The following TTC3 variants were observed in gnomAD, a reference collection of about 807,000 sequenced individuals.
TTC3 encodes E3 ubiquitin-protein ligase TTC3.
Under a neutral mutation model 249.6 loss-of-function variants are expected in TTC3, and 180 were observed. The observed-to-expected ratio is 0.72, with a 90% CI of 0.64 to 0.82. TTC3 has a LOEUF of 0.82. TTC3 is among the 40% of genes least tolerant of loss of function. TTC3 has a pLI of 0.00. For missense variants in TTC3, 2,061 were observed against 2,398.4 expected, an observed-to-expected ratio of 0.86 and a Z score of 2.94; for synonymous variants, 717 against 805.0, an observed-to-expected ratio of 0.89 and a Z score of 1.85.
chr21:37,198,349 C>T (rs902471144), intron 44 of TTC3, among the ~76,000 whole-genome samples: 2 of 152,226 alleles, frequency 1.3e-5, no homozygotes, highest in African/African-American at 4.8e-5. Flanking sequence ...GAACTTTGTA[C>T]ATCCAGTGTG....
intron 1 of TTC3, among the ~76,000 whole-genome samples, chr21:37,079,541 T>G (rs112402088): frequency 0.43 from 58,497 of 136,920 alleles, 13,751 homozygotes; most frequent in Non-Finnish European, 0.49. Flanking sequence ...TTTTTTTTTT[T>G]TTTTTTTTTT....
intron 33 of TTC3, 38 bp from the exon 34 acceptor site, chr21:37,167,517 T>C: frequency 6.9e-7 from 1 of 1,447,028 alleles, no homozygotes; most frequent in South Asian, 1.2e-5. Flanking sequence ...CTAGAGCGAT[T>C]GAGATAAAGT....
At position 37,188,609 on chromosome 21, in the gene TTC3, G is replaced by A. The variant is rs368248736; in HGVS notation, c.5024+14G>A. Reference sequence around the variant, plus strand: ...GCTGATTAGCCGGTATTGCAGTTTCGTGGGTGTTCTCAGCACGTCATTTAG... The same window carrying A: ...GCTGATTAGCCGGTATTGCAGTTTCATGGGTGTTCTCAGCACGTCATTTAG... On this transcript the variant is annotated intron_variant, in intron 39 of 45. Transcript: ENST00000355666. 6.8e-6 allele frequency: 11 copies of A among 1,608,096 alleles called. No homozygotes were observed. The highest frequency in any genetic ancestry group is 4.0e-5 in the African/African-American group (3 of 74,762).
At chr21:37,088,567 C>A (rs1463093132) in intron 4 of TTC3, among the ~76,000 whole-genome samples, 1 of 152,066 alleles carries the variant, frequency 6.6e-6, no homozygotes, top group Admixed American at 6.5e-5. Context: ...AGACTGGAAG[C>A]TGAGTCAGGA....
chr21:37,092,816 A>G (rs1435396499), intron 7 of TTC3, among the ~76,000 whole-genome samples: 1 of 152,066 alleles, frequency 6.6e-6, no homozygotes, highest in African/African-American at 2.4e-5. Context: ...TTTTTTTGCC[A>G]CTTTAAAATA....
intron 27 of TTC3, among the ~76,000 whole-genome samples, chr21:37,154,619 G>A (rs996888179): frequency 6.6e-6 from 1 of 152,196 alleles, no homozygotes; most frequent in Non-Finnish European, 1.5e-5. Context: ...TCAGGTAAAT[G>A]CAGCACTTGA....
intron 28 of TTC3, among the ~76,000 whole-genome samples, chr21:37,158,422 G>C (rs962484336): frequency 6.6e-6 from 1 of 152,190 alleles, no homozygotes; most frequent in African/African-American, 2.4e-5. Context: ...AATCCCAATG[G>C]ATTCTCAAGT....
At chr21:37,104,588 CAAAAAA>C (rs141618903) in intron 10 of TTC3, among the ~76,000 whole-genome samples, 3 of 104,334 alleles carry the variant, frequency 2.9e-5, no homozygotes, top group Non-Finnish European at 5.7e-5. Flanking sequence ...AACTCCGTCT[CAAAAAA>C]AAAAAAAAAA....
At chr21:37,096,477 T>C (rs535765648) in intron 9 of TTC3, 104 bp from the exon 10 acceptor site, 7 of 795,062 alleles carry the variant, frequency 8.8e-6, no homozygotes, top group East Asian at 2.6e-5. Context: ...GCCACACATA[T>C]GTAAAGTTTA....
At chr21:37,146,817 C>T (rs1391721563) in intron 21 of TTC3, among the ~76,000 whole-genome samples, 1 of 152,190 alleles carries the variant, frequency 6.6e-6, no homozygotes, top group Non-Finnish European at 1.5e-5. Flanking sequence ...CCGAACCGTA[C>T]ACTTCATTTG....
intron 16 of TTC3, among the ~76,000 whole-genome samples, chr21:37,129,718 A>T (rs1003924699): frequency 6.6e-6 from 1 of 152,052 alleles, no homozygotes; most frequent in African/African-American, 2.4e-5. Flanking sequence ...GCAGGCTTGA[A>T]CTCCTAGACT....
intron 19 of TTC3, among the ~76,000 whole-genome samples, chr21:37,139,562 G>T (rs1281887144): frequency 6.6e-6 from 1 of 152,012 alleles, no homozygotes; most frequent in African/African-American, 2.4e-5. Flanking sequence ...AGTCTTTTAC[G>T]TTCTGTTCTC....
At chr21:37,157,304 A>T in intron 28 of TTC3, 2 of 741,370 alleles carry the variant, frequency 2.7e-6, no homozygotes, top group South Asian at 1.6e-5. Context: ...GCATTCTAGG[A>T]TGTTTTAATG....
intron 36 of TTC3, 30 bp downstream of exon 36, chr21:37,182,943 T>G (rs778551686): frequency 4.0e-6 from 6 of 1,488,050 alleles, no homozygotes; most frequent in Non-Finnish European, 4.5e-6. Flanking sequence ...CAGTAATTTT[T>G]ATTTAAAAAA....
intron 41 of TTC3, chr21:37,193,769 A>G (rs1490337749): frequency 6.6e-6 from 1 of 152,198 alleles, no homozygotes; most frequent in Non-Finnish European, 1.5e-5. Context: ...CAAAGTGCAC[A>G]TGGACTTGGG....
chr21:37,088,559 A>G (rs969492601), intron 4 of TTC3, among the ~76,000 whole-genome samples: 6 of 152,222 alleles, frequency 3.9e-5, no homozygotes, highest in Non-Finnish European at 8.8e-5. Context: ...TAGATGGTAG[A>G]CTGGAAGCTG....
rs961194898 is a variant in TTC3, at chr21:37,195,558, C to T, written c.5218-117C>T. 5 of 1,379,090 alleles carry T rather than the reference C, an allele frequency of 3.6e-6. No individual in the cohort carries two copies. In the Admixed American group the frequency reaches 1.2e-4, roughly 33 times the overall value. The allele number at this position is 1,379,090 out of a possible 1,614,324, so 85.4% of individuals were successfully genotyped here. ...TATTTAATTCATGGTATTCAGGTTT[C>T]CTGTGCACGGAGCCTCTGCGCTGCG... On this transcript the variant is annotated intron_variant, in intron 41 of 45. Coordinates refer to ENST00000355666, the Ensembl canonical transcript of TTC3.
chr21:37,151,158 G>C (rs1219328800), intron 25 of TTC3, among the ~76,000 whole-genome samples: 2 of 152,024 alleles, frequency 1.3e-5, no homozygotes, highest in African/African-American at 4.8e-5. Flanking sequence ...TTACATGTTT[G>C]ATTAATAGAT....
chr21:37,144,379 A>C, intron 20 of TTC3, 146 bp from the exon 21 acceptor site: 1 of 958,518 alleles, frequency 1.0e-6, no homozygotes, highest in Non-Finnish European at 1.5e-6. Context: ...GTTTTTTTAA[A>C]GAAAATTTAG....
Sources: gnomAD v4.1 joint callset for allele counts (sites outside exome capture counted in the v4.1 genomes callset) on GRCh38, gnomAD v4.1.1 for gene constraint, MANE v1.5 for transcripts, NCBI Gene and HGNC (gene_info 2026-07-23, HGNC 2026-07-21) for gene names.